The following CASR variants were observed in gnomAD, a reference collection of about 807,000 sequenced individuals.
The protein encoded by CASR is calcium sensing receptor.
CASR carries 23 observed loss-of-function variants against 69.1 expected under a neutral mutation model. That is an observed-to-expected ratio of 0.33 (90% CI 0.24 to 0.47). CASR has a LOEUF of 0.47. Among genes scored for constraint, CASR ranks in the 20% least tolerant of loss-of-function variants. The probability of loss-of-function intolerance (pLI) is 1.00; values close to 1 mark genes in which losing one functional copy is unlikely to be tolerated. For synonymous variants in CASR, 541 were observed against 544.7 expected, an observed-to-expected ratio of 0.99 and a Z score of 0.10; for missense variants, 924 against 1,356.1, an observed-to-expected ratio of 0.68 and a Z score of 5.00.
chr3:122,201,703 C>T lies in CASR; in HGVS notation c.-243+17891C>T, dbSNP rs9816547. On this transcript the variant is annotated intron_variant, in intron 1 of 6. Transcript: ENST00000639785. ...ACCCCCACCTCCCTCCCGGACGGGG[C>T]GGCTGGCTTGGTGGAGACGCTCCTC... Among the ~76,000 whole-genome samples the T allele has an allele frequency of 8.4e-3, 1,104 of 130,782 alleles. 7 individuals carry two copies. Among genetic ancestry groups the T allele is most frequent in the Non-Finnish European group, 9.7e-3 (568 of 58,780 alleles). 85.8% of individuals were successfully genotyped at this position (130,782 alleles called of 152,430 possible). A position where few individuals can be genotyped will look rare whatever the true frequency, so the allele number is the denominator to read the frequency against.
chr3:122,246,138 T>A (rs1016636025), intron 1 of CASR, among the ~76,000 whole-genome samples: 2 of 152,184 alleles, frequency 1.3e-5, no homozygotes, highest in African/African-American at 4.8e-5. Flanking sequence ...GTCCCTTCTA[T>A]CTCTAAAATT....
rs200621890 is a variant in CASR at position 122,285,459 on chromosome 3, A to C, written c.*268A>C. The C allele has an allele frequency of 2.4e-4, 107 of 451,470 alleles. No individual in the cohort carries two copies. Among genetic ancestry groups the C allele is most frequent in the African/African-American group, 1.9e-3 (98 of 50,514 alleles). The allele number at this position is 451,470 out of a possible 1,614,324, so 28.0% of individuals were successfully genotyped here. ...TCAGATTTGCTGTTCACCCACATCT[A>C]ATGTCTCTTCCTCTGTTCTATCCCA... On this transcript the variant is annotated 3_prime_UTR_variant, in exon 7 of 7. Transcript: ENST00000639785.
chr3:122,282,182 A>G lies in CASR; in HGVS notation c.1678A>G (p.Thr560Ala), dbSNP rs749467949. Residue 560 changes from threonine (T) to alanine (A), a missense_variant, in exon 6 of 7, where the codon ACC becomes GCC. Around this residue, in one of 8 missense-constraint regions of CASR, gnomAD observed 310 missense variants for 395.7 expected, o/e 0.78. Transcript: ENST00000639785. ...GAAAGGGATCATTGAGGGGGAGCCC[A>G]CCTGCTGCTTTGAGTGTGTGGAGTG... ...TRKGIIEGEP[T>A]CCFECVECPD... 6.2e-7 allele frequency: 1 copy of G among 1,614,168 alleles called. No individual in the cohort carries two copies. The highest frequency in any genetic ancestry group is 8.5e-7 in the Non-Finnish European group (1 of 1,180,020).
chr3:122,189,293 A>G (rs2107578828), intron 1 of CASR, among the ~76,000 whole-genome samples: 1 of 152,302 alleles, frequency 6.6e-6, no homozygotes, highest in South Asian at 2.1e-4. Context: ...TCTCCTTCAC[A>G]GGGCGGTTGT....
chr3:122,222,847 A>AG (rs975468049), intron 1 of CASR, among the ~76,000 whole-genome samples: 2 of 151,906 alleles, frequency 1.3e-5, no homozygotes, highest in African/African-American at 4.8e-5. Flanking sequence ...TTAAAAAAAA[A>AG]ATAGAAATCA....
rs1576858879 is a variant in CASR, at chr3:122,262,022, C to T, written c.987C>T (p.Gly329=). 6.2e-7 allele frequency: 1 copy of T among 1,614,236 alleles called. No individual in the cohort carries two copies. Among genetic ancestry groups the T allele is most frequent in the South Asian group, 1.1e-5 (1 of 91,084 alleles). ...GFALKAGQIP[G]FREFLKKVHP... is the part of the protein sequence containing the mutation. Reference sequence around the variant, plus strand: ...CTCTGAAGGCTGGGCAGATCCCAGGCTTCCGGGAATTCCTGAAGAAGGTCC... The same window carrying T: ...CTCTGAAGGCTGGGCAGATCCCAGGTTTCCGGGAATTCCTGAAGAAGGTCC... Residue 329 remains glycine (G), a synonymous_variant, in exon 4 of 7, where the codon GGC becomes GGT. Transcript: ENST00000639785.
Position 122,290,874 on chromosome 3 carries a change from C to A in CASR, c.*5683C>A, listed in dbSNP as rs1273559015. 1 of 110,936 alleles carries A rather than the reference C, an allele frequency of 9.0e-6. No individual in the cohort carries two copies. The highest frequency in any genetic ancestry group is 3.4e-5 in the African/African-American group (1 of 29,008). 6.9% of individuals were successfully genotyped at this position (110,936 alleles called of 1,614,324 possible). A position where few individuals can be genotyped will look rare whatever the true frequency, so the allele number is the denominator to read the frequency against. ...AGGTATATCTCCTAATGCTATCCCT[C>A]CCCCCTCCCCCCACCCCACAATAGG... is the stretch of plus-strand genomic sequence containing the variant. On this transcript the variant is annotated 3_prime_UTR_variant, in exon 7 of 7. Transcript: ENST00000639785.
rs147541438 is a variant in CASR at position 122,219,703 on chromosome 3, G to A, written c.-242-34245G>A. The stretch of plus-strand genomic sequence containing the variant: ...GCTGCCAGTTCAAGGTTACAGGGAT[G>A]GAGATATGCCACCTATGACACCATT... On this transcript the variant is annotated intron_variant, in intron 1 of 6. Transcript: ENST00000639785. Among the ~76,000 whole-genome samples, 489 of 152,366 alleles carry A rather than the reference G, an allele frequency of 3.2e-3. 1 individual carries two copies. The highest frequency in any genetic ancestry group is 5.6e-3 in the Non-Finnish European group (379 of 68,036).
At chr3:122,190,027 C>T (rs1271182678) in intron 1 of CASR, among the ~76,000 whole-genome samples, 1 of 152,166 alleles carries the variant, frequency 6.6e-6, no homozygotes, top group Admixed American at 6.5e-5. Context: ...GATCTCCAGT[C>T]TGGTAGCCCT....
Position 122,254,027 on chromosome 3 carries a change from A to T in CASR, c.-163A>T. 1.3e-6 allele frequency: 1 copy of T among 757,554 alleles called. No homozygotes were observed. The highest frequency in any genetic ancestry group is 2.5e-5 in the East Asian group (1 of 39,342). 46.9% of individuals were successfully genotyped at this position (757,554 alleles called of 1,614,324 possible). ...CCACATTACAAGTCTGGATTGAGGAAGGCAGAAATGGAGATTCAAACACCA... is the reference window on the plus strand; with the variant it reads ...CCACATTACAAGTCTGGATTGAGGATGGCAGAAATGGAGATTCAAACACCA... On this transcript the variant is annotated 5_prime_UTR_variant, in exon 2 of 7. The change creates a new upstream start codon in the 5' untranslated region. Coordinates refer to ENST00000639785, the MANE Select transcript of CASR (RefSeq NM_000388.4).
chr3:122,200,989 C>CTTTTGTTTTT (rs1356688507), intron 1 of CASR, among the ~76,000 whole-genome samples: 3 of 76,730 alleles, frequency 3.9e-5, no homozygotes, highest in Non-Finnish European at 8.3e-5. Flanking sequence ...TTGCCCATTG[C>CTTTTGTTTTT]TTTTCTTTTT....
Position 122,280,130 on chromosome 3 carries a change from C to T in CASR, c.1609-1983C>T, listed in dbSNP as rs552969830. ...AAAACCACATGACTATCTCAATAGA[C>T]ACAGAAAAGGCCTTCGATAAAATTC... On this transcript the variant is annotated intron_variant, in intron 5 of 6. Coordinates refer to ENST00000639785, the MANE Select transcript of CASR (RefSeq NM_000388.4). Among the ~76,000 whole-genome samples, 3 of 152,246 alleles carry T rather than the reference C, an allele frequency of 2.0e-5. No individual in the cohort carries two copies. In the South Asian group the frequency reaches 6.2e-4, roughly 32 times the overall value.
Position 122,285,383 on chromosome 3 carries a change from G to A in CASR, c.*192G>A, listed in dbSNP as rs1041291151. 2.3e-5 allele frequency: 13 copies of A among 576,018 alleles called. No homozygotes were observed. The African/African-American group carries it at 2.4e-4, about 11-fold the overall frequency. 35.7% of individuals were successfully genotyped at this position (576,018 alleles called of 1,614,324 possible). Reference sequence around the variant, plus strand: ...TTCCCTTTAAAATTAAAAAAAAGAAGAGCCTTGTGTTTCTGTGGTTGCATT... The same window carrying A: ...TTCCCTTTAAAATTAAAAAAAAGAAAAGCCTTGTGTTTCTGTGGTTGCATT... On this transcript the variant is annotated 3_prime_UTR_variant, in exon 7 of 7. Transcript: ENST00000639785.
At chr3:122,196,491 T>A (rs1484121677) in intron 1 of CASR, among the ~76,000 whole-genome samples, 6 of 152,162 alleles carry the variant, frequency 3.9e-5, no homozygotes, top group African/African-American at 1.4e-4. Context: ...TACTTTTTTT[T>A]AACTTTTTGG....
At chr3:122,202,129 A>G (rs1343138773) in intron 1 of CASR, among the ~76,000 whole-genome samples, 2 of 152,156 alleles carry the variant, frequency 1.3e-5, no homozygotes, top group Non-Finnish European at 2.9e-5. Context: ...CCTGGGCACC[A>G]TTGAGCACTG....
Position 122,284,773 on chromosome 3 carries a change from A to C in CASR, c.2819A>C (p.Gln940Pro), listed in dbSNP as rs1293909274. Reference protein sequence around the residue: ...QKQQQPLALTQQEQQQQPLTL... With the variant: ...QKQQQPLALTPQEQQQQPLTL... ...CAGCAGCAGCCGCTGGCCCTAACCCAGCAAGAGCAGCAGCAGCAGCCCCTG... is the reference window on the plus strand; with the variant it reads ...CAGCAGCAGCCGCTGGCCCTAACCCCGCAAGAGCAGCAGCAGCAGCCCCTG... Residue 940 changes from glutamine (Q) to proline (P), a missense_variant, in exon 7 of 7, where the codon CAG (glutamine) becomes CCG (proline). By Grantham distance (76) the Gln-to-Pro change is moderately conservative. Transcript: ENST00000639785. 1 of 1,614,014 alleles carries C rather than the reference A, an allele frequency of 6.2e-7. No individual in the cohort carries two copies. Among genetic ancestry groups the C allele is most frequent in the Non-Finnish European group, 8.5e-7 (1 of 1,180,024 alleles).
In CASR at chr3:122,230,808, G is replaced by T. The variant is rs186140322; in HGVS notation, c.-242-23140G>T. Among the ~76,000 whole-genome samples, 308 of 152,282 alleles carry T rather than the reference G, an allele frequency of 2.0e-3. 3 individuals are homozygous for T. Among genetic ancestry groups the T allele is most frequent in the African/African-American group, 6.1e-3 (252 of 41,550 alleles). The stretch of plus-strand genomic sequence containing the variant: ...TCCCAAGGAGGAGCAGCTAGGTGGG[G>T]ACTAGAACCACCATATCCTGGCCCC... On this transcript the variant is annotated intron_variant, in intron 1 of 6. Coordinates refer to ENST00000639785, the MANE Select transcript of CASR (RefSeq NM_000388.4).
intron 1 of CASR, among the ~76,000 whole-genome samples, chr3:122,189,916 A>G (rs2073823452): frequency 6.6e-6 from 1 of 152,204 alleles, no homozygotes; most frequent in Admixed American, 6.5e-5. Flanking sequence ...CTATAATTTG[A>G]CATAAGCTTT....
chr3:122,284,100 C>A lies in CASR; in HGVS notation c.2146C>A (p.Arg716Ser). The A allele has an allele frequency of 6.2e-7, 1 of 1,614,122 alleles. No homozygotes were observed. The highest frequency in any genetic ancestry group is 8.5e-7 in the Non-Finnish European group (1 of 1,179,976). ...FEAKIPTSFH[R>S]KWWGLNLQFL... ...GGCCAAGATCCCCACCAGCTTCCAC[C>A]GCAAGTGGTGGGGGCTCAACCTGCA... The change falls in exon 7 of 7, where the codon CGC becomes AGC. Residue 716 changes from arginine (R) to serine (S), a missense_variant. Transcript: ENST00000639785.
Sources: gnomAD v4.1 joint callset for allele counts (sites outside exome capture counted in the v4.1 genomes callset) on GRCh38, gnomAD v4.1.1 for gene constraint, gnomAD v4.1.1 regional missense constraint, MANE v1.5 for transcripts, NCBI Gene and HGNC (gene_info 2026-07-23, HGNC 2026-07-21) for gene names.